DAB1: variants seen among roughly 807,000 people sequenced by gnomAD.
DAB1 encodes the protein DAB adaptor protein 1.
A neutral mutation model predicts 64.6 loss-of-function variants in DAB1; 15 were observed. The observed-to-expected ratio is 0.23, with a 90% confidence interval of 0.16 to 0.36. The LOEUF (loss-of-function observed/expected upper bound fraction) is 0.36. DAB1 is among the 10% of genes least tolerant of loss of function. The pLI is 1.00. For synonymous variants in DAB1, 235 were observed against 251.9 expected (o/e 0.93, Z 0.64); for missense variants, 596 against 706.7 (o/e 0.84, Z 1.78).
Position 57,750,313 on chromosome 1 carries a change from G to T in DAB1, n.552-100648C>A, listed in dbSNP as rs540171020. On this transcript the variant is annotated intron_variant and non_coding_transcript_variant, in intron 6 of 20. Coordinates refer to the DAB1 transcript ENST00000485760. ...CTTTATTTCTAACCATTCAGTATGT[G>T]TTCTCTCAAAGAGCAGGAAAGACCC... Among the ~76,000 whole-genome samples, 130 of 152,164 alleles carry T rather than the reference G, an allele frequency of 8.5e-4. 1 individual carries two copies. The highest frequency in any genetic ancestry group is 2.2e-4 in the Non-Finnish European group (15 of 68,008).
intron 6 of DAB1, among the ~76,000 whole-genome samples, chr1:57,698,032 A>G (rs980784492): frequency 6.6e-6 from 1 of 151,848 alleles, no homozygotes; most frequent in Non-Finnish European, 1.5e-5. Context: ...TTGACTGCAT[A>G]GACAGGTCTC....
chr1:57,881,575 T>C (rs778419736), intron 1 of DAB1, among the ~76,000 whole-genome samples: 2 of 152,210 alleles, frequency 1.3e-5, no homozygotes, highest in East Asian at 1.9e-4. Context: ...AAGGATTATT[T>C]TGAAAATTAA....
intron 4 of DAB1, among the ~76,000 whole-genome samples, chr1:57,073,476 C>T (rs536619689): frequency 5.9e-5 from 9 of 152,268 alleles, no homozygotes; most frequent in East Asian, 3.9e-4. Context: ...GTGATCTTAA[C>T]GGTTATTTTC....
At chr1:57,438,935 A>G (rs889897167) in intron 7 of DAB1, among the ~76,000 whole-genome samples, 9 of 151,982 alleles carry the variant, frequency 5.9e-5, no homozygotes, top group Admixed American at 6.5e-5. Flanking sequence ...CTCAATTCCC[A>G]TTTGGGGAAG....
intron 4 of DAB1, among the ~76,000 whole-genome samples, chr1:58,262,214 C>A (rs923904003): frequency 3.3e-5 from 5 of 152,132 alleles, no homozygotes; most frequent in African/African-American, 9.7e-5. Flanking sequence ...ATAGAGGGCA[C>A]TAAGGAGTGG....
At chr1:57,288,429 C>T (rs1672505468) in intron 2 of DAB1, among the ~76,000 whole-genome samples, 3 of 152,004 alleles carry the variant, frequency 2.0e-5, no homozygotes, top group African/African-American at 7.2e-5. Context: ...GAAATGGGGC[C>T]TTTGGAAGGT....
At chr1:58,159,493 T>C (rs1031794605) in intron 4 of DAB1, among the ~76,000 whole-genome samples, 1 of 152,202 alleles carries the variant, frequency 6.6e-6, no homozygotes, top group Admixed American at 6.5e-5. Flanking sequence ...GTGAAATTGC[T>C]TGGGTGCTGG....
chr1:57,158,011 C>G (rs1162000545), intron 2 of DAB1, among the ~76,000 whole-genome samples: 1 of 152,168 alleles, frequency 6.6e-6, no homozygotes, highest in East Asian at 1.9e-4. Context: ...CGGAAGGCAT[C>G]ACATTTAAAT....
At chr1:57,645,263 C>T (rs1646178777) in intron 7 of DAB1, among the ~76,000 whole-genome samples, 1 of 152,126 alleles carries the variant, frequency 6.6e-6, no homozygotes, top group African/African-American at 2.4e-5. Context: ...ACCATGCTAT[C>T]CAGGAAGGAA....
intron 2 of DAB1, among the ~76,000 whole-genome samples, chr1:57,251,345 T>A (rs1159495728): frequency 6.6e-6 from 1 of 152,210 alleles, no homozygotes. Context: ...TTACTGTTAA[T>A]CATGAGTGTC....
intron 3 of DAB1, among the ~76,000 whole-genome samples, chr1:58,426,363 G>A (rs1000520718): frequency 1.3e-5 from 2 of 152,098 alleles, no homozygotes; most frequent in Non-Finnish European, 2.9e-5. Flanking sequence ...CCATATTGAG[G>A]ACACCTGCCA....
intron 6 of DAB1, among the ~76,000 whole-genome samples, chr1:57,733,939 A>G (rs1462791316): frequency 6.6e-6 from 1 of 152,134 alleles, no homozygotes; most frequent in African/African-American, 2.4e-5. Context: ...TTAGGAGTTC[A>G]GGAAAGGTGG....
At chr1:58,488,054 T>C (rs1645606882) in intron 3 of DAB1, among the ~76,000 whole-genome samples, 1 of 152,210 alleles carries the variant, frequency 6.6e-6, no homozygotes, top group South Asian at 2.1e-4. Context: ...GAGACATTTA[T>C]AGTTCTATAT....
chr1:57,418,439 C>T (rs1036211325), intron 1 of DAB1, among the ~76,000 whole-genome samples: 7 of 152,122 alleles, frequency 4.6e-5, no homozygotes, highest in Non-Finnish European at 1.5e-5. Flanking sequence ...GATGCAGAGA[C>T]TGACCAACAA....
intron 1 of DAB1, among the ~76,000 whole-genome samples, chr1:57,855,587 G>A (rs1203531885): frequency 6.6e-6 from 1 of 152,140 alleles, no homozygotes; most frequent in Non-Finnish European, 1.5e-5. Flanking sequence ...AATGAAGGGT[G>A]GGCCATACCA....
intron 7 of DAB1, among the ~76,000 whole-genome samples, chr1:57,606,528 A>AATATTATATATTATATATT (rs1645644005): frequency 1.7e-5 from 1 of 58,936 alleles, no homozygotes; most frequent in African/African-American, 7.2e-5. Flanking sequence ...TATAATATAT[A>AATATTATATATTATATATT]ATATATATGA....
chr1:58,487,910 TCTC>T (rs111787440), intron 3 of DAB1, among the ~76,000 whole-genome samples: 7,317 of 152,220 alleles, frequency 0.048, 218 homozygotes, highest in African/African-American at 0.063. Flanking sequence ...CCGTACCTCT[TCTC>T]CTGATCCTAT....
At chr1:57,764,513 A>T (rs1417121170) in intron 6 of DAB1, among the ~76,000 whole-genome samples, 1 of 152,168 alleles carries the variant, frequency 6.6e-6, no homozygotes, top group African/African-American at 2.4e-5. Context: ...ATATAGGAAC[A>T]CTGGAACTTA....
intron 4 of DAB1, among the ~76,000 whole-genome samples, chr1:58,175,669 A>G (rs1656429143): frequency 6.6e-6 from 1 of 152,192 alleles, no homozygotes; most frequent in Non-Finnish European, 1.5e-5. Context: ...GTCTTGTGCT[A>G]GGTTTTACAC....
Sources: gnomAD v4.1 joint callset for allele counts (sites outside exome capture counted in the v4.1 genomes callset) on GRCh38, gnomAD v4.1.1 for gene constraint, MANE v1.5 for transcripts, NCBI Gene and HGNC (gene_info 2026-07-23, HGNC 2026-07-21) for gene names.